KDM4C: variants seen among roughly 807,000 people sequenced by gnomAD.
The protein encoded by KDM4C is lysine-specific demethylase 4C.
KDM4C carries 81 observed loss-of-function variants against 129.3 expected under a neutral mutation model. That is an observed-to-expected ratio of 0.63 (90% CI 0.52 to 0.75). The LOEUF (loss-of-function observed/expected upper bound fraction) is 0.75. KDM4C is among the 30% of genes least tolerant of loss of function. KDM4C has a pLI of 0.00. For missense variants in KDM4C, 1,457 were observed against 1,304.0 expected (o/e 1.12, Z -1.81); for synonymous variants, 573 against 456.1 (o/e 1.26, Z -3.26).
chr9:6,858,156 A>C (rs10975858), intron 5 of KDM4C, among the ~76,000 whole-genome samples: 55,635 of 151,800 alleles, frequency 0.37, 10,456 homozygotes, highest in Middle Eastern at 0.47. Flanking sequence ...TAAAGGAATG[A>C]ATTGAAGAAA....
rs931729860 is a variant in KDM4C, at chr9:7,175,401, G to T, written c.*672G>T. 3 of 152,534 alleles carry T rather than the reference G, an allele frequency of 2.0e-5. No individual in the cohort carries two copies. The highest frequency in any genetic ancestry group is 3.8e-4 in the East Asian group (2 of 5,200). The allele number at this position is 152,534 out of a possible 1,614,324, so 9.4% of individuals were successfully genotyped here. A position where few individuals can be genotyped will look rare whatever the true frequency, so the allele number is the denominator to read the frequency against. ...TCTTGAGAAAGAATTCTTATGAATT[G>T]TTATGCGAATTTTATATATTTAAAG... On this transcript the variant is annotated 3_prime_UTR_variant, in exon 22 of 22. Coordinates refer to ENST00000381309, the MANE Select transcript of KDM4C (RefSeq NM_015061.6).
At chr9:7,156,199 G>A (rs924951609) in intron 19 of KDM4C, among the ~76,000 whole-genome samples, 6 of 152,084 alleles carry the variant, frequency 3.9e-5, no homozygotes, top group African/African-American at 1.4e-4. Context: ...TTTTTGATGA[G>A]GTTGTTTGTT....
At chr9:7,110,383 G>A (rs998481687) in intron 18 of KDM4C, among the ~76,000 whole-genome samples, 10 of 152,168 alleles carry the variant, frequency 6.6e-5, no homozygotes, top group African/African-American at 2.4e-4. Context: ...CAGGGTTCAT[G>A]TTGATATATC....
At chr9:6,994,065 G>A (rs1301187124) in intron 12 of KDM4C, among the ~76,000 whole-genome samples, 1 of 152,128 alleles carries the variant, frequency 6.6e-6, no homozygotes, top group Non-Finnish European at 1.5e-5. Context: ...GGATAAAGCT[G>A]TTCCACCTCG....
chr9:7,124,498 A>G (rs1312319496), intron 18 of KDM4C, among the ~76,000 whole-genome samples: 11 of 152,098 alleles, frequency 7.2e-5, no homozygotes, highest in Non-Finnish European at 7.4e-5. Context: ...TCTTGGAGTC[A>G]ACATCAGTCT....
intron 1 of KDM4C, among the ~76,000 whole-genome samples, chr9:6,789,247 T>A (rs1334523897): frequency 7.3e-6 from 1 of 136,828 alleles, no homozygotes. Flanking sequence ...TGAGATGGCG[T>A]TTTGCTCTTG....
chr9:6,775,711 G>T (rs1233853902), intron 1 of KDM4C, among the ~76,000 whole-genome samples: 1 of 151,750 alleles, frequency 6.6e-6, no homozygotes, highest in Non-Finnish European at 1.5e-5. Flanking sequence ...TAGTAGAGAC[G>T]GGGTTTCTCC....
Position 6,859,489 on chromosome 9 carries a change from A to G in KDM4C, c.629+9789A>G, listed in dbSNP as rs1210283482. 2.0e-5 allele frequency among the ~76,000 whole-genome samples: 3 copies of G among 150,390 alleles called. No individual in the cohort carries two copies. The East Asian group carries it at 5.8e-4, about 29-fold the overall frequency. On this transcript the variant is annotated intron_variant, in intron 5 of 21. Transcript: ENST00000381309. ...ACTCTGTCTCAAAAAAAAAAAAAAAAAAAAAAAAGAAATCGTCTCTGGTAA... is the reference window on the plus strand; with the variant it reads ...ACTCTGTCTCAAAAAAAAAAAAAAAGAAAAAAAAGAAATCGTCTCTGGTAA...
At chr9:6,839,537 G>T (rs1318743287) in intron 4 of KDM4C, among the ~76,000 whole-genome samples, 1 of 151,764 alleles carries the variant, frequency 6.6e-6, no homozygotes, top group Non-Finnish European at 1.5e-5. Flanking sequence ...ACCACGCCTG[G>T]CCAAATTTGT....
intron 20 of KDM4C, among the ~76,000 whole-genome samples, chr9:7,166,021 A>G (rs1844344623): frequency 6.6e-6 from 1 of 152,218 alleles, no homozygotes; most frequent in East Asian, 1.9e-4. Flanking sequence ...TAATAAGGGA[A>G]ACAACATGGA....
intron 8 of KDM4C, among the ~76,000 whole-genome samples, chr9:6,933,439 A>C (rs1824128900): frequency 6.6e-6 from 1 of 152,238 alleles, no homozygotes. Context: ...TTAGGAAAGC[A>C]GTGGCTTGGA....
In KDM4C at chr9:7,148,761, G is replaced by A. The variant is rs192452785; in HGVS notation, c.2782-16477G>A. Among the ~76,000 whole-genome samples the A allele has an allele frequency of 1.8e-3, 270 of 152,328 alleles. 2 individuals carry two copies. Among genetic ancestry groups the A allele is most frequent in the Non-Finnish European group, 3.3e-3 (226 of 68,032 alleles). ...TTAGTGGAGAGGAGACCTGAAGTGG[G>A]TAGCTCCTATCCACAGGCAGGTAGT... is the stretch of plus-strand genomic sequence containing the variant. On this transcript the variant is annotated intron_variant, in intron 19 of 21. Coordinates refer to ENST00000381309, the MANE Select transcript of KDM4C (RefSeq NM_015061.6).
At chr9:6,953,247 G>C (rs1259440078) in intron 8 of KDM4C, among the ~76,000 whole-genome samples, 1 of 152,172 alleles carries the variant, frequency 6.6e-6, no homozygotes, top group African/African-American at 2.4e-5. Flanking sequence ...GTTCTCACTT[G>C]AAATATAGAG....
intron 1 of KDM4C, among the ~76,000 whole-genome samples, chr9:6,783,412 T>C (rs1302469266): frequency 3.9e-5 from 6 of 152,250 alleles, no homozygotes; most frequent in African/African-American, 1.4e-4. Flanking sequence ...TACAGCTTTA[T>C]ACTCATCTTC....
At chr9:6,863,895 G>A (rs940938426) in intron 5 of KDM4C, among the ~76,000 whole-genome samples, 4 of 151,542 alleles carry the variant, frequency 2.6e-5, no homozygotes, top group East Asian at 1.9e-4. Flanking sequence ...ACCCATTACC[G>A]TGAAGATGGC....
intron 6 of KDM4C, among the ~76,000 whole-genome samples, chr9:6,880,367 T>C (rs1844248311): frequency 6.6e-6 from 1 of 152,252 alleles, no homozygotes; most frequent in African/African-American, 2.4e-5. Context: ...TTTAATGTAA[T>C]GCATTCAACG....
At chr9:6,882,526 A>T (rs1464990964) in intron 6 of KDM4C, among the ~76,000 whole-genome samples, 2 of 152,154 alleles carry the variant, frequency 1.3e-5, no homozygotes, top group Non-Finnish European at 1.5e-5. Flanking sequence ...TTACTTTGAA[A>T]ATTTTGGTTA....
intron 18 of KDM4C, among the ~76,000 whole-genome samples, chr9:7,122,263 A>ACACACACT (rs1839575661): frequency 2.1e-5 from 3 of 144,936 alleles, no homozygotes; most frequent in African/African-American, 7.9e-5. Context: ...ACACACACAC[A>ACACACACT]CACTCTCTCT....
rs749991219 is a variant in KDM4C, at chr9:6,792,930, T to TA, written c.-17-41dup. 2.5e-6 allele frequency: 4 copies of TA among 1,598,030 alleles called. No individual in the cohort carries two copies. The African/African-American group carries it at 5.4e-5, about 21-fold the overall frequency. ...TATTTGTTAAAAATGACCTAAAGCA[T>TA]ATAATAATTCAGTTCTGTTGACCCT... On this transcript the variant is annotated intron_variant, in intron 1 of 21. Transcript: ENST00000381309.
Sources: allele counts gnomAD v4.1 joint callset (sites outside exome capture counted in the v4.1 genomes callset), GRCh38; gene constraint gnomAD v4.1.1; transcripts MANE v1.5; gene names NCBI Gene and HGNC (gene_info 2026-07-23, HGNC 2026-07-21).